LRP1B: variants seen among roughly 807,000 people sequenced by gnomAD.
LRP1B encodes the protein LDL receptor related protein 1B, also known as low-density lipoprotein receptor-related protein 1B.
In LRP1B, 217 loss-of-function variants were observed where a neutral mutation model predicts 556.6. The observed-to-expected ratio is 0.39, with a 90% confidence interval of 0.35 to 0.44. LRP1B has a LOEUF of 0.44. Ranked by LOEUF, LRP1B falls within the 20% of genes least tolerant of loss-of-function variation. The probability of loss-of-function intolerance (pLI) is 1.00; values close to 1 mark genes in which losing one functional copy is unlikely to be tolerated. For missense variants in LRP1B, 5,053 were observed against 5,620.8 expected (o/e 0.90, Z 3.23); for synonymous variants, 2,047 against 1,865.8 (o/e 1.10, Z -2.50).
chr2:141,916,749 A>G (rs577055882), intron 1 of LRP1B, among the ~76,000 whole-genome samples: 2 of 152,108 alleles, frequency 1.3e-5, no homozygotes, highest in African/African-American at 2.4e-5. Flanking sequence ...TGGCAACGAT[A>G]GACACTGGGA....
chr2:140,707,576 C>G (rs1686883903), intron 37 of LRP1B, among the ~76,000 whole-genome samples: 1 of 152,026 alleles, frequency 6.6e-6, no homozygotes, highest in Admixed American at 6.6e-5. Context: ...GTCAACATGT[C>G]CATGGCTACA....
At chr2:141,533,979 A>C (rs937060615) in intron 2 of LRP1B, among the ~76,000 whole-genome samples, 7 of 152,166 alleles carry the variant, frequency 4.6e-5, no homozygotes, top group African/African-American at 1.7e-4. Context: ...AGAAACAAAC[A>C]ATGTTTCAAG....
intron 34 of LRP1B, among the ~76,000 whole-genome samples, chr2:140,769,834 C>CTTAAA (rs70988437): frequency 0.88 from 132,998 of 151,394 alleles, 58,726 homozygotes; most frequent in East Asian, 1. Context: ...ATTTAGATTT[C>CTTAAA]TTAAGAAATT....
At chr2:141,913,106 T>C (rs902361555) in intron 1 of LRP1B, among the ~76,000 whole-genome samples, 1 of 152,206 alleles carries the variant, frequency 6.6e-6, no homozygotes, top group Non-Finnish European at 1.5e-5. Context: ...ACTTTCAGTT[T>C]TGAAGGATGA....
At chr2:142,089,632 G>C (rs1160579856) in intron 1 of LRP1B, among the ~76,000 whole-genome samples, 2 of 152,198 alleles carry the variant, frequency 1.3e-5, no homozygotes, top group Non-Finnish European at 2.9e-5. Flanking sequence ...ACTGGACAAA[G>C]AATGGTAGGT....
chr2:141,345,079 C>G (rs1688196157), intron 3 of LRP1B, among the ~76,000 whole-genome samples: 1 of 151,186 alleles, frequency 6.6e-6, no homozygotes, highest in East Asian at 1.9e-4. Flanking sequence ...TAGAATGATG[C>G]AATGTGAGGA....
intron 3 of LRP1B, among the ~76,000 whole-genome samples, chr2:141,348,592 C>T (rs953285530): frequency 2.0e-5 from 3 of 151,738 alleles, no homozygotes; most frequent in African/African-American, 7.3e-5. Context: ...ATTACATTTC[C>T]CTATCTTGTT....
chr2:140,743,773 C>A (rs546729327), intron 35 of LRP1B, among the ~76,000 whole-genome samples: 1 of 151,646 alleles, frequency 6.6e-6, no homozygotes, highest in South Asian at 2.1e-4. Context: ...TCCTGGCCAA[C>A]ATGGTGAAAC....
intron 1 of LRP1B, among the ~76,000 whole-genome samples, chr2:141,982,644 T>A (rs965667315): frequency 2.0e-5 from 3 of 152,224 alleles, no homozygotes; most frequent in Admixed American, 6.5e-5. Flanking sequence ...GTATTTGTAA[T>A]CTAAGAAAAG....
chr2:142,034,712 T>G (rs1431932396), intron 1 of LRP1B, among the ~76,000 whole-genome samples: 1 of 151,818 alleles, frequency 6.6e-6, no homozygotes, highest in Admixed American at 6.6e-5. Context: ...ATTGAATAAA[T>G]CTTTACATTC....
rs1558870932 is a variant in LRP1B, at chr2:141,115,649, G to GTA, written c.1014-53377_1014-53376insTA. 1.9e-4 allele frequency among the ~76,000 whole-genome samples: 24 copies of GTA among 123,146 alleles called. No homozygotes were observed. The East Asian group carries it at 5.0e-3, about 26-fold the overall frequency. The allele number at this position is 123,146 out of a possible 152,430, so 80.8% of individuals were successfully genotyped here. On this transcript the variant is annotated intron_variant, in intron 7 of 90. Coordinates refer to ENST00000389484, the MANE Select transcript of LRP1B (RefSeq NM_018557.3). ...TTTGTGTGTGTGTGTGTGTGTGTGT[G>GTA]TGTGTGTGTTTTTTAGTAGAGACGG... is the stretch of plus-strand genomic sequence containing the variant.
rs72973993 is a variant in LRP1B at position 140,525,856 on chromosome 2, A to G, written c.8014T>C (p.Leu2672=). Residue 2672 remains leucine (L), a synonymous_variant, in exon 49 of 91, where the codon TTA becomes CTA. Transcript: ENST00000389484. ...ATTCTAGTATTACCTGGGCACTTTA[A>G]TTCATCTGAATAGTCTCCACAGTCA... ...SNDCGDYSDE[L]KCPVQNKHKC... is the part of the protein sequence containing the mutation. 2,260 of 1,611,446 alleles carry G rather than the reference A, an allele frequency of 1.4e-3. 22 individuals are homozygous for G. In the African/African-American group the frequency reaches 0.027, roughly 19 times the overall value.
intron 1 of LRP1B, among the ~76,000 whole-genome samples, chr2:141,962,713 G>A (rs1001829459): frequency 6.6e-6 from 1 of 151,790 alleles, no homozygotes; most frequent in Non-Finnish European, 1.5e-5. Context: ...AGCTGTAAAA[G>A]TATCTAATAA....
chr2:140,729,344 T>C (rs1442860017), intron 35 of LRP1B, among the ~76,000 whole-genome samples: 1 of 152,204 alleles, frequency 6.6e-6, no homozygotes, highest in Non-Finnish European at 1.5e-5. Context: ...CCATCACAGA[T>C]AATTTGCTCT....
chr2:140,486,665 T>C (rs540584476), intron 58 of LRP1B, among the ~76,000 whole-genome samples: 5 of 152,016 alleles, frequency 3.3e-5, no homozygotes, highest in African/African-American at 1.2e-4. Flanking sequence ...AGTAATATAA[T>C]CTTCACAGTT....
chr2:142,007,734 T>C (rs1186435095), intron 1 of LRP1B, among the ~76,000 whole-genome samples: 3 of 152,208 alleles, frequency 2.0e-5, no homozygotes, highest in Admixed American at 1.3e-4. Context: ...TGGCAGCTTG[T>C]TATTCAATAA....
chr2:140,752,517 G>T (rs564604544), intron 35 of LRP1B, among the ~76,000 whole-genome samples: 47 of 151,882 alleles, frequency 3.1e-4, no homozygotes, highest in Admixed American at 7.2e-4. Flanking sequence ...TAGAGACAGG[G>T]TTTTGCCATA....
At chr2:140,384,139 A>G (rs2105195068) in intron 67 of LRP1B, among the ~76,000 whole-genome samples, 1 of 152,282 alleles carries the variant, frequency 6.6e-6, no homozygotes, top group African/African-American at 2.4e-5. Context: ...ACCATGAATA[A>G]AAGTTCTCCA....
intron 1 of LRP1B, among the ~76,000 whole-genome samples, chr2:141,851,251 T>G (rs779324309): frequency 2.6e-5 from 4 of 151,832 alleles, no homozygotes; most frequent in Non-Finnish European, 5.9e-5. Flanking sequence ...TCATATTACA[T>G]TTGGCAGAAA....
Sources: allele counts gnomAD v4.1 joint callset (sites outside exome capture counted in the v4.1 genomes callset), GRCh38; gene constraint gnomAD v4.1.1; transcripts MANE v1.5; gene names NCBI Gene and HGNC (gene_info 2026-07-23, HGNC 2026-07-21).